Variants in KHDRBS3 observed in about 807,000 individuals in gnomAD.
The protein encoded by KHDRBS3 is KH RNA binding domain containing, signal transduction associated 3.
KHDRBS3 carries 23 observed loss-of-function variants against 45.6 expected under a neutral mutation model. The ratio of observed to expected loss-of-function variants is 0.50; its 90% CI spans 0.36 to 0.72. KHDRBS3 has a LOEUF of 0.72. Among genes scored for constraint, KHDRBS3 ranks in the 30% least tolerant of loss-of-function variants. The pLI, the probability that KHDRBS3 is intolerant of heterozygous loss-of-function variation, is 0.00. For missense variants in KHDRBS3, 352 were observed against 424.8 expected (o/e 0.83, Z 1.51); for synonymous variants, 162 against 156.5 (o/e 1.04, Z -0.26).
At chr8:135,464,516 A>G (rs17601051) in intron 1 of KHDRBS3, among the ~76,000 whole-genome samples, 8,881 of 152,284 alleles carry the variant, frequency 0.058, 362 homozygotes, top group Non-Finnish European at 0.083. Context: ...TCAGGGATTT[A>G]TAGTCAGTTT....
At chr8:135,609,768 A>G (rs1288076875) in intron 7 of KHDRBS3, among the ~76,000 whole-genome samples, 1 of 151,826 alleles carries the variant, frequency 6.6e-6, no homozygotes, top group Non-Finnish European at 1.5e-5. Context: ...GTTATGCAGC[A>G]CGTGACTCTA....
At position 135,647,248 on chromosome 8, in the gene KHDRBS3, A is replaced by AAT. The variant is rs1472772394; in HGVS notation, c.*165_*166insTA. On this transcript the variant is annotated 3_prime_UTR_variant, in exon 9 of 9. Coordinates refer to ENST00000355849, the MANE Select transcript of KHDRBS3 (RefSeq NM_006558.3). ...TGTTGAAACATCAACCTGGGCAGAA[A>AAT]AAAAAAAAAAAAGACATGTAAAATT... 1.3e-5 allele frequency: 5 copies of AAT among 372,380 alleles called. No individual in the cohort carries two copies. Among genetic ancestry groups the AAT allele is most frequent in the African/African-American group, 4.2e-5 (2 of 47,690 alleles). 23.1% of individuals were successfully genotyped at this position (372,380 alleles called of 1,614,324 possible).
intron 7 of KHDRBS3, among the ~76,000 whole-genome samples, chr8:135,620,328 T>A (rs1830086549): frequency 6.6e-6 from 1 of 152,220 alleles, no homozygotes; most frequent in East Asian, 1.9e-4. Context: ...CTTGAACTTT[T>A]GAGTTCAAAG....
intron 2 of KHDRBS3, among the ~76,000 whole-genome samples, chr8:135,527,285 AAAG>A (rs1347312692): frequency 1.3e-5 from 2 of 152,224 alleles, no homozygotes; most frequent in African/African-American, 2.4e-5. Context: ...CTGAAAGAAC[AAAG>A]AAGAGGATCC....
At chr8:135,546,703 T>A (rs1270784146) in intron 3 of KHDRBS3, among the ~76,000 whole-genome samples, 1 of 152,198 alleles carries the variant, frequency 6.6e-6, no homozygotes, top group African/African-American at 2.4e-5. Context: ...GTACTATTAT[T>A]TTCCCCACTT....
intron 4 of KHDRBS3, among the ~76,000 whole-genome samples, chr8:135,551,657 T>C (rs569229283): frequency 6.6e-6 from 1 of 152,268 alleles, no homozygotes; most frequent in East Asian, 1.9e-4. Context: ...GGTTTACTAA[T>C]AGTTTGTTAA....
At chr8:135,543,049 A>T (rs1826121428) in intron 3 of KHDRBS3, among the ~76,000 whole-genome samples, 1 of 152,184 alleles carries the variant, frequency 6.6e-6, no homozygotes, top group Non-Finnish European at 1.5e-5. Flanking sequence ...AATTATCATG[A>T]AAAGAAATAA....
intron 5 of KHDRBS3, among the ~76,000 whole-genome samples, chr8:135,576,020 G>A (rs1242166653): frequency 6.6e-6 from 1 of 152,108 alleles, no homozygotes; most frequent in East Asian, 1.9e-4. Flanking sequence ...GTTTTGAGGA[G>A]TACTAATCAG....
intron 7 of KHDRBS3, among the ~76,000 whole-genome samples, chr8:135,626,605 C>T (rs1453841165): frequency 6.6e-6 from 1 of 152,030 alleles, no homozygotes; most frequent in Admixed American, 6.6e-5. Context: ...AGATCGAGAC[C>T]ATCTTGGCTA....
At chr8:135,458,988 T>C (rs1405630154) in intron 1 of KHDRBS3, 1 of 456,100 alleles carries the variant, frequency 2.2e-6, no homozygotes, top group Non-Finnish European at 4.4e-6. Flanking sequence ...TGGGTGTGGG[T>C]GCCACTGGTC....
intron 1 of KHDRBS3, chr8:135,458,672 C>T (rs1821254272): frequency 5.6e-6 from 2 of 357,516 alleles, no homozygotes. Context: ...GGCAAAAGAG[C>T]ACCGTTCCGG....
At chr8:135,548,351 G>A (rs1022202879) in intron 3 of KHDRBS3, among the ~76,000 whole-genome samples, 1 of 152,138 alleles carries the variant, frequency 6.6e-6, no homozygotes, top group African/African-American at 2.4e-5. Flanking sequence ...TCACAGAGAC[G>A]CACACAGCCA....
intron 1 of KHDRBS3, among the ~76,000 whole-genome samples, chr8:135,463,656 C>T (rs1215426230): frequency 6.6e-6 from 1 of 152,082 alleles, no homozygotes; most frequent in East Asian, 1.9e-4. Flanking sequence ...TTTTGGAAGC[C>T]CTAGTCACAT....
chr8:135,527,521 G>A (rs1361636319), intron 2 of KHDRBS3, among the ~76,000 whole-genome samples: 1 of 152,224 alleles, frequency 6.6e-6, no homozygotes, highest in East Asian at 1.9e-4. Flanking sequence ...GGTGGCATTG[G>A]CCAAAGGTCC....
At position 135,646,380 on chromosome 8, in the gene KHDRBS3, A is replaced by T. The variant is rs1188043600; in HGVS notation, c.950-613A>T. 2.0e-5 allele frequency among the ~76,000 whole-genome samples: 3 copies of T among 152,176 alleles called. No homozygotes were observed. In the East Asian group the frequency reaches 5.8e-4, roughly 29 times the overall value. ...ACGGATTTAGCATTATGATGAATGA[A>T]ATCTGACATTATGTCGTTAAATTCA... On this transcript the variant is annotated intron_variant, in intron 8 of 8. Coordinates refer to ENST00000355849, the MANE Select transcript of KHDRBS3 (RefSeq NM_006558.3).
At chr8:135,652,836 G>A (rs1831457055) in intron 4 of KHDRBS3, among the ~76,000 whole-genome samples, 1 of 152,092 alleles carries the variant, frequency 6.6e-6, no homozygotes, top group Admixed American at 6.6e-5. Context: ...ATATCTTTAG[G>A]GCAATTACCA....
intron 1 of KHDRBS3, among the ~76,000 whole-genome samples, chr8:135,472,811 G>A (rs1822079424): frequency 6.6e-6 from 1 of 152,138 alleles, no homozygotes; most frequent in Non-Finnish European, 1.5e-5. Flanking sequence ...TTACTAAAAT[G>A]CATTGCCCTG....
At chr8:135,502,328 G>C (rs1168117555) in intron 1 of KHDRBS3, among the ~76,000 whole-genome samples, 4 of 152,080 alleles carry the variant, frequency 2.6e-5, no homozygotes, top group Non-Finnish European at 2.9e-5. Context: ...TCTCACTGCT[G>C]TTCTTTATTC....
At chr8:135,496,077 A>G (rs988818052) in intron 1 of KHDRBS3, among the ~76,000 whole-genome samples, 3 of 150,060 alleles carry the variant, frequency 2.0e-5, no homozygotes, top group African/African-American at 7.4e-5. Flanking sequence ...AGCACACTGA[A>G]TCCTTGAGCT....
Sources: gnomAD v4.1 joint callset for allele counts (sites outside exome capture counted in the v4.1 genomes callset) on GRCh38, gnomAD v4.1.1 for gene constraint, MANE v1.5 for transcripts, NCBI Gene and HGNC (gene_info 2026-07-23, HGNC 2026-07-21) for gene names.